ZRSR2: variants seen among roughly 807,000 people sequenced by gnomAD.
ZRSR2 encodes the protein zinc finger CCCH-type, RNA binding motif and serine/arginine rich 2.
In ZRSR2, 3 loss-of-function variants were observed where a neutral mutation model predicts 39.4. That is an observed-to-expected ratio of 0.08 (90% CI 0.03 to 0.20). ZRSR2 has a LOEUF of 0.20. Ranked by LOEUF, ZRSR2 falls within the 10% of genes least tolerant of loss-of-function variation. The probability of loss-of-function intolerance (pLI) is 1.00; values close to 1 mark genes in which losing one functional copy is unlikely to be tolerated. For synonymous variants in ZRSR2, 137 were observed against 136.0 expected, an observed-to-expected ratio of 1.01 and a Z score of -0.05; for missense variants, 256 against 391.5, an observed-to-expected ratio of 0.65 and a Z score of 2.92.
In ZRSR2 at chrX:15,820,223, G is replaced by A. The variant is rs900070331; in HGVS notation, c.844G>A (p.Ala282Thr). ...GGTTTAAAGGGAAGAAGAATGCCAAGCAGCCCTTTCTCTGTTTAACGGACG... is the reference window on the plus strand; with the variant it reads ...GGTTTAAAGGGAAGAAGAATGCCAAACAGCCCTTTCTCTGTTTAACGGACG... The part of the protein sequence containing the change: ...VQYQSEEECQ[A>T]ALSLFNGRWY... Residue 282 changes from alanine to threonine, a missense_variant, in exon 10 of 11, where the codon GCA (alanine) becomes ACA (threonine). Ala to Thr is a moderately conservative substitution (Grantham distance 58). Transcript: ENST00000307771. 8.3e-7 allele frequency: 1 copy of A among 1,208,731 alleles called. No homozygotes were observed. The highest frequency in any genetic ancestry group is 2.2e-5 in the Admixed American group (1 of 45,732).
Position 15,822,936 on chromosome X carries a change from A to G in ZRSR2, c.1143A>G (p.Arg381=), listed in dbSNP as rs1356080536. The G allele has an allele frequency of 8.3e-7, 1 of 1,211,163 alleles. No homozygotes were observed. The highest frequency in any genetic ancestry group is 1.7e-5 in the African/African-American group (1 of 57,484). The change falls in exon 11 of 11, where the codon AGA becomes AGG. Residue 381 remains arginine, a synonymous_variant. Transcript: ENST00000307771. Reference sequence around the variant, plus strand: ...ACTACAGCAGGCTGCGGGGAAGGAGAAACCCTAGTCCAGACCACTCCTACA... The same window carrying G: ...ACTACAGCAGGCTGCGGGGAAGGAGGAACCCTAGTCCAGACCACTCCTACA... The part of the protein sequence containing the change: ...DDYYSRLRGR[R]NPSPDHSYKR...
intron 10 of ZRSR2, among the ~76,000 whole-genome samples, chrX:15,822,187 C>T (rs183562566): frequency 0.019 from 2,080 of 110,998 alleles, 50 homozygotes; most frequent in African/African-American, 0.066. Flanking sequence ...GATGGGGTTT[C>T]GCCATGTTGG....
At chrX:15,800,186 C>CTTTTT (rs752445746) in intron 3 of ZRSR2, among the ~76,000 whole-genome samples, 6 of 79,301 alleles carry the variant, frequency 7.6e-5, no homozygotes, top group Admixed American at 1.5e-4. Context: ...TTTTTTCTTT[C>CTTTTT]TTTTTTTTTT....
intron 7 of ZRSR2, among the ~76,000 whole-genome samples, chrX:15,813,874 G>A (rs1170812384): frequency 1.8e-5 from 2 of 111,183 alleles, no homozygotes; most frequent in East Asian, 2.8e-4. Context: ...GTTAATGAAC[G>A]TTGATGAAGC....
At chrX:15,793,918 G>A (rs1932364203) in intron 2 of ZRSR2, among the ~76,000 whole-genome samples, 2 of 112,521 alleles carry the variant, frequency 1.8e-5, no homozygotes, top group African/African-American at 3.2e-5. Flanking sequence ...GTAACTATGA[G>A]AGTGCCTTGG....
chrX:15,812,231 G>A (rs192600715), intron 7 of ZRSR2, among the ~76,000 whole-genome samples: 6 of 112,505 alleles, frequency 5.3e-5, no homozygotes, highest in Admixed American at 2.8e-4. Context: ...GCCTGGCTGC[G>A]AACATTTCTT....
intron 3 of ZRSR2, among the ~76,000 whole-genome samples, chrX:15,800,214 G>T (rs1365115822): frequency 1.1e-5 from 1 of 87,905 alleles, no homozygotes; most frequent in Non-Finnish European, 2.1e-5. Context: ...TTTAGACGGA[G>T]TCTCGCTCTG....
At position 15,805,050 on chromosome X, in the gene ZRSR2, T is replaced by C. The variant is rs759783499; in HGVS notation, c.399+853T>C. ...ACTGATTCATCAGGATTTGTCTTTTTTGTAATACAGCTAAATTTAAATAGC... is the reference window on the plus strand; with the variant it reads ...ACTGATTCATCAGGATTTGTCTTTTCTGTAATACAGCTAAATTTAAATAGC... On this transcript the variant is annotated intron_variant, in intron 5 of 10. Transcript: ENST00000307771. Among the ~76,000 whole-genome samples, 29 of 112,058 alleles carry C rather than the reference T, an allele frequency of 2.6e-4. 1 individual carries two copies. In the South Asian group the frequency reaches 1.0e-2, roughly 39 times the overall value.
At chrX:15,794,586 T>A (rs774119529) in intron 2 of ZRSR2, among the ~76,000 whole-genome samples, 7 of 111,532 alleles carry the variant, frequency 6.3e-5, no homozygotes, top group Non-Finnish European at 1.1e-4. Flanking sequence ...ATCATAAAGG[T>A]CTTCATTCTC....
At chrX:15,798,808 A>T (rs1254900970) in intron 2 of ZRSR2, among the ~76,000 whole-genome samples, 1 of 112,012 alleles carries the variant, frequency 8.9e-6, no homozygotes, top group African/African-American at 3.2e-5. Context: ...TACAGAGCAG[A>T]TGTTGTAAAC....
At chrX:15,799,799 C>A in intron 2 of ZRSR2, 73 bp from the exon 3 acceptor site, 1 of 636,880 alleles carries the variant, frequency 1.6e-6, no homozygotes, top group Non-Finnish European at 2.4e-6. Flanking sequence ...TTAAAGATTA[C>A]ATGTATTTTT....
chrX:15,815,188 CT>C (rs1932945460), intron 7 of ZRSR2, among the ~76,000 whole-genome samples: 1 of 112,776 alleles, frequency 8.9e-6, no homozygotes, highest in Non-Finnish European at 1.9e-5. Flanking sequence ...TAAAAAAATC[CT>C]CTTAAGCGCT....
At chrX:15,791,661 T>C (rs1252875330) in intron 2 of ZRSR2, among the ~76,000 whole-genome samples, 8 of 94,319 alleles carry the variant, frequency 8.5e-5, no homozygotes, top group African/African-American at 2.4e-4. Flanking sequence ...TTCTTTTTTT[T>C]TTTTTTTTTT....
chrX:15,795,264 T>C (rs1329846263), intron 2 of ZRSR2, among the ~76,000 whole-genome samples: 1 of 110,969 alleles, frequency 9.0e-6, no homozygotes, highest in African/African-American at 3.3e-5. Flanking sequence ...AATGGTATAA[T>C]CTTTACACAC....
At chrX:15,813,366 C>T (rs1029248340) in intron 7 of ZRSR2, among the ~76,000 whole-genome samples, 3 of 112,196 alleles carry the variant, frequency 2.7e-5, no homozygotes, top group African/African-American at 9.7e-5. Flanking sequence ...GAGGTCTGAT[C>T]AGATGGTCTA....
chrX:15,820,391 C>T (rs1203512346), intron 10 of ZRSR2, 75 bp downstream of exon 10: 3 of 991,238 alleles, frequency 3.0e-6, no homozygotes, highest in Non-Finnish European at 4.3e-6. Context: ...GGGGGAAACC[C>T]AGTATTTTCA....
intron 10 of ZRSR2, among the ~76,000 whole-genome samples, chrX:15,821,134 A>G (rs1933096259): frequency 9.0e-6 from 1 of 111,522 alleles, no homozygotes; most frequent in Non-Finnish European, 1.9e-5. Context: ...TTATGAAGGG[A>G]AAAGAAAGAT....
Position 15,790,550 on chromosome X carries a change from G to A in ZRSR2, c.41+14G>A, listed in dbSNP as rs1270277368. 8.6e-7 allele frequency: 1 copy of A among 1,160,635 alleles called. No homozygotes were observed. Among genetic ancestry groups the A allele is most frequent in the Non-Finnish European group, 1.1e-6 (1 of 871,192 alleles). On this transcript the variant is annotated intron_variant, in intron 1 of 10. Transcript: ENST00000307771. ...CGAGAAACCAAGGTAAGCGCCGTACGGGGAGATGAGCAGGCGAGCGGGCCG... is the reference window on the plus strand; with the variant it reads ...CGAGAAACCAAGGTAAGCGCCGTACAGGGAGATGAGCAGGCGAGCGGGCCG...
intron 2 of ZRSR2, 82 bp downstream of exon 2, chrX:15,791,095 AG>A (rs1932261079): frequency 2.2e-6 from 2 of 891,254 alleles, no homozygotes; most frequent in East Asian, 6.4e-5. Context: ...CAGTGTCAGA[AG>A]GAAGTCAAAT....
Sources: allele counts gnomAD v4.1 joint callset (sites outside exome capture counted in the v4.1 genomes callset), GRCh38; gene constraint gnomAD v4.1.1; transcripts MANE v1.5; gene names NCBI Gene and HGNC (gene_info 2026-07-23, HGNC 2026-07-21).